FOXP2: variants seen among roughly 807,000 people sequenced by gnomAD.
FOXP2 encodes the protein forkhead box P2, also known as forkhead box protein P2.
Under a neutral mutation model 115.8 loss-of-function variants are expected in FOXP2, and 12 were observed. The ratio of observed to expected loss-of-function variants is 0.10; its 90% confidence interval spans 0.07 to 0.17. The LOEUF is 0.17. Among genes scored for constraint, FOXP2 ranks in the 10% least tolerant of loss-of-function variants. FOXP2 has a pLI of 1.00. For synonymous variants in FOXP2, 328 were observed against 297.7 expected, an observed-to-expected ratio of 1.10 and a Z score of -1.05; for missense variants, 629 against 843.5, an observed-to-expected ratio of 0.75 and a Z score of 3.15.
chr7:114,361,026 G>C (rs1791732722), intron 2 of FOXP2, among the ~76,000 whole-genome samples: 1 of 152,026 alleles, frequency 6.6e-6, no homozygotes, highest in Admixed American at 6.6e-5. Flanking sequence ...GTTGGAATAG[G>C]ACACCATCAT....
intron 1 of FOXP2, among the ~76,000 whole-genome samples, chr7:114,089,821 C>G (rs1289948775): frequency 6.6e-6 from 1 of 151,832 alleles, no homozygotes; most frequent in Non-Finnish European, 1.5e-5. Flanking sequence ...TTCAAACACA[C>G]AAAACAAGTC....
intron 1 of FOXP2, among the ~76,000 whole-genome samples, chr7:114,418,715 T>A (rs529008375): frequency 3.9e-4 from 60 of 151,990 alleles, no homozygotes; most frequent in Non-Finnish European, 8.0e-4. Flanking sequence ...GGCTTTTTTT[T>A]ATGAGAACCT....
intron 2 of FOXP2, among the ~76,000 whole-genome samples, chr7:114,311,068 C>T (rs1797137186): frequency 6.6e-6 from 1 of 152,148 alleles, no homozygotes. Flanking sequence ...TTGCGGATCA[C>T]CAGTTTCAGG....
intron 2 of FOXP2, among the ~76,000 whole-genome samples, chr7:114,330,127 A>G (rs1455614403): frequency 6.6e-6 from 1 of 151,934 alleles, no homozygotes; most frequent in Non-Finnish European, 1.5e-5. Flanking sequence ...TCCTCTAATG[A>G]GGTTTTAATC....
intron 1 of FOXP2, among the ~76,000 whole-genome samples, chr7:114,281,141 G>A (rs949886331): frequency 5.8e-5 from 7 of 121,534 alleles, no homozygotes; most frequent in Non-Finnish European, 1.1e-4. Flanking sequence ...TCACTCTGTC[G>A]CTGAGACTGC....
At chr7:114,302,510 T>A (rs992252921) in intron 2 of FOXP2, among the ~76,000 whole-genome samples, 5 of 152,122 alleles carry the variant, frequency 3.3e-5, no homozygotes, top group African/African-American at 1.2e-4. Context: ...AGAAACATAA[T>A]TTGAAGTTAG....
At chr7:114,169,729 T>TC (rs566299314) in intron 1 of FOXP2, among the ~76,000 whole-genome samples, 431 of 38,314 alleles carry the variant, frequency 0.011, 2 homozygotes, top group African/African-American at 0.025. Context: ...TGGCTGTGTG[T>TC]CCTCACCCAA....
At chr7:114,135,800 G>A (rs977087479) in intron 1 of FOXP2, among the ~76,000 whole-genome samples, 2 of 152,046 alleles carry the variant, frequency 1.3e-5, no homozygotes, top group African/African-American at 2.4e-5. Context: ...CTGTGTTCAT[G>A]GATTTGCTGT....
rs189425486 is a variant in FOXP2 at position 114,202,228 on chromosome 7, A to G, written c.-102+39140A>G. 2.0e-5 allele frequency among the ~76,000 whole-genome samples: 3 copies of G among 152,332 alleles called. No homozygotes were observed. In the East Asian group the frequency reaches 5.8e-4, roughly 29 times the overall value. Reference sequence around the variant, plus strand: ...AGGCTGCAAATGAATAGGGGATATGAAAATATCCTTCTCTCTTGCCTTCTC... The same window carrying G: ...AGGCTGCAAATGAATAGGGGATATGGAAATATCCTTCTCTCTTGCCTTCTC... On this transcript the variant is annotated intron_variant, in intron 1 of 17. Coordinates refer to the FOXP2 transcript ENST00000634411.
chr7:114,588,182 T>C (rs987472636), intron 3 of FOXP2, among the ~76,000 whole-genome samples: 1 of 151,624 alleles, frequency 6.6e-6, no homozygotes, highest in African/African-American at 2.4e-5. Context: ...TGATGGTGGG[T>C]GCCTGTAGTC....
At chr7:114,456,079 C>T (rs1446409013) in intron 2 of FOXP2, among the ~76,000 whole-genome samples, 4 of 152,154 alleles carry the variant, frequency 2.6e-5, no homozygotes, top group African/African-American at 9.7e-5. Flanking sequence ...ATCCTCATTC[C>T]CACTAGTTAT....
chr7:114,132,582 T>TGAGAGAGAGAGA lies in FOXP2; in HGVS notation c.-246-30339_-246-30328dup, dbSNP rs35572133. Among the ~76,000 whole-genome samples, 8 of 55,996 alleles carry TGAGAGAGAGAGA rather than the reference T, an allele frequency of 1.4e-4. 1 individual carries two copies. Among genetic ancestry groups the TGAGAGAGAGAGA allele is most frequent in the East Asian group, 6.0e-4 (1 of 1,680 alleles). The allele number at this position is 55,996 out of a possible 152,430, so 36.7% of individuals were successfully genotyped here. ...GTGTGTGTGTGTGTGTGTGTGTGTG[T>TGAGAGAGAGAGA]GAGAGAGAGAGAGAGAGAGAGAGAG... On this transcript the variant is annotated intron_variant, in intron 1 of 19. Coordinates refer to the FOXP2 transcript ENST00000635638.
intron 16 of FOXP2, among the ~76,000 whole-genome samples, chr7:114,677,034 C>T (rs1255037128): frequency 2.6e-5 from 4 of 151,912 alleles, no homozygotes; most frequent in South Asian, 2.1e-4. Context: ...GGCGTGGTTG[C>T]GCGCGCCTGT....
intron 16 of FOXP2, among the ~76,000 whole-genome samples, chr7:114,683,310 G>A (rs1225013709): frequency 6.6e-6 from 1 of 152,152 alleles, no homozygotes; most frequent in East Asian, 1.9e-4. Context: ...GCAAGATAAA[G>A]TATAGCTACC....
At chr7:114,686,831 AT>A (rs1334606411) in intron 16 of FOXP2, among the ~76,000 whole-genome samples, 4 of 152,008 alleles carry the variant, frequency 2.6e-5, no homozygotes, top group African/African-American at 7.2e-5. Flanking sequence ...TTATTATAAA[AT>A]TTTTAAGACA....
intron 2 of FOXP2, among the ~76,000 whole-genome samples, chr7:114,405,212 T>C (rs1472983727): frequency 6.6e-6 from 1 of 151,904 alleles, no homozygotes; most frequent in South Asian, 2.1e-4. Flanking sequence ...ATTTACTTTT[T>C]CTGAAAAACA....
chr7:114,271,788 G>T (rs1796058147), intron 1 of FOXP2, among the ~76,000 whole-genome samples: 1 of 115,166 alleles, frequency 8.7e-6, no homozygotes, highest in Non-Finnish European at 1.6e-5. Context: ...ATATATAAAT[G>T]TATGTCATAT....
chr7:114,639,206 C>T (rs1213753284), intron 6 of FOXP2, among the ~76,000 whole-genome samples: 1 of 152,142 alleles, frequency 6.6e-6, no homozygotes, highest in Non-Finnish European at 1.5e-5. Context: ...TTAGAAGCAA[C>T]TAGTGCCATA....
At chr7:114,649,914 T>C (rs1222860467) in intron 8 of FOXP2, among the ~76,000 whole-genome samples, 1 of 152,102 alleles carries the variant, frequency 6.6e-6, no homozygotes, top group African/African-American at 2.4e-5. Context: ...CGAAAAGTGC[T>C]TTGTGAGTTT....
Sources: allele counts gnomAD v4.1 joint callset (sites outside exome capture counted in the v4.1 genomes callset), GRCh38; gene constraint gnomAD v4.1.1; transcripts MANE v1.5; gene names NCBI Gene and HGNC (gene_info 2026-07-23, HGNC 2026-07-21).